Variants in DNAAF11 observed in about 807,000 individuals in gnomAD.
DNAAF11 encodes the protein dynein axonemal assembly factor 11, also known as leucine rich repeat containing 6.
Under a neutral mutation model 60.8 loss-of-function variants are expected in DNAAF11, and 45 were observed. The ratio of observed to expected loss-of-function variants is 0.74; its 90% CI spans 0.58 to 0.95. The LOEUF is 0.95. DNAAF11 is among the 40% of genes least tolerant of loss of function. The pLI, the probability that DNAAF11 is intolerant of heterozygous loss-of-function variation, is 0.00. For missense variants in DNAAF11, 546 were observed against 546.2 expected, an observed-to-expected ratio of 1.00 and a Z score of 0.00; for synonymous variants, 191 against 183.5, an observed-to-expected ratio of 1.04 and a Z score of -0.33.
intron 10 of DNAAF11, among the ~76,000 whole-genome samples, chr8:132,606,049 C>T (rs1008847206): frequency 6.6e-6 from 1 of 151,932 alleles, no homozygotes; most frequent in African/African-American, 2.4e-5. Flanking sequence ...AATGGTGGTC[C>T]CATTAGATTA....
chr8:132,583,554 G>A (rs965887132), intron 11 of DNAAF11, 140 bp downstream of exon 11: 9 of 677,844 alleles, frequency 1.3e-5, no homozygotes, highest in Non-Finnish European at 2.3e-5. Context: ...TACGGTTTGG[G>A]AAATAAACAT....
intron 5 of DNAAF11, among the ~76,000 whole-genome samples, chr8:132,628,298 G>A (rs1215722582): frequency 2.6e-5 from 4 of 152,086 alleles, no homozygotes; most frequent in Admixed American, 2.6e-4. Context: ...TGTAATCCCA[G>A]CTACTCAGGA....
chr8:132,611,274 G>C lies in DNAAF11; in HGVS notation c.1044+20C>G, dbSNP rs561429532. 6 of 1,569,818 alleles carry C rather than the reference G, an allele frequency of 3.8e-6. No homozygotes were observed. The highest frequency in any genetic ancestry group is 1.3e-5 in the African/African-American group (1 of 74,086). Reference sequence around the variant, plus strand: ...AAGCTTAGCTTTTGAAATTGTAATAGCCTACAGGGTTCTACTTACCTTTCC... The same window carrying C: ...AAGCTTAGCTTTTGAAATTGTAATACCCTACAGGGTTCTACTTACCTTTCC... On this transcript the variant is annotated intron_variant, in intron 9 of 11. Transcript: ENST00000620350.
the DNAAF11 span, among the ~76,000 whole-genome samples, chr8:132,682,231 T>C: frequency 6.6e-6 from 1 of 152,200 alleles, no homozygotes; most frequent in Non-Finnish European, 1.5e-5. Context: ...TCCACTTTGA[T>C]TAACTCTGGT....
intron 2 of DNAAF11, among the ~76,000 whole-genome samples, chr8:132,659,485 A>G (rs1489194855): frequency 1.3e-5 from 2 of 152,144 alleles, no homozygotes; most frequent in Non-Finnish European, 2.9e-5. Context: ...ATTGTGATGG[A>G]CCCAGCTGTG....
chr8:132,643,755 T>C (rs1291166753), intron 3 of DNAAF11: 1 of 455,674 alleles, frequency 2.2e-6, no homozygotes, highest in Non-Finnish European at 4.4e-6. Flanking sequence ...ACAAGCATAA[T>C]ATTGAGTGCA....
intron 5 of DNAAF11, among the ~76,000 whole-genome samples, chr8:132,630,826 G>C (rs1820724457): frequency 6.6e-6 from 1 of 152,044 alleles, no homozygotes; most frequent in Non-Finnish European, 1.5e-5. Flanking sequence ...TTTAAAAATA[G>C]AGGATACTAT....
chr8:132,664,375 A>G (rs1297632038), intron 1 of DNAAF11, among the ~76,000 whole-genome samples: 1 of 152,206 alleles, frequency 6.6e-6, no homozygotes, highest in Non-Finnish European at 1.5e-5. Context: ...AGGCTTTTCT[A>G]AATTGCCCAC....
the DNAAF11 span, among the ~76,000 whole-genome samples, chr8:132,697,725 G>A: frequency 1.1e-4 from 16 of 152,224 alleles, no homozygotes; most frequent in African/African-American, 3.4e-4. Context: ...GACTGGAATC[G>A]TACTAGAGAG....
intron 1 of DNAAF11, among the ~76,000 whole-genome samples, chr8:132,669,694 G>C (rs936720696): frequency 6.6e-6 from 1 of 152,006 alleles, no homozygotes; most frequent in Non-Finnish European, 1.5e-5. Context: ...TCAGGTTCTG[G>C]ACATAATAGA....
intron 3 of DNAAF11, among the ~76,000 whole-genome samples, chr8:132,638,664 A>G (rs1395989134): frequency 1.3e-5 from 2 of 152,220 alleles, no homozygotes; most frequent in Non-Finnish European, 2.9e-5. Context: ...CCAAGAACTG[A>G]ACTGAAGGTA....
chr8:132,655,614 G>T (rs570645757), intron 3 of DNAAF11, among the ~76,000 whole-genome samples: 1 of 152,062 alleles, frequency 6.6e-6, no homozygotes, highest in East Asian at 1.9e-4. Flanking sequence ...CAACTTAACA[G>T]TAAAAAGACA....
At chr8:132,574,392 T>C (rs1814523143) in intron 11 of DNAAF11, among the ~76,000 whole-genome samples, 1 of 152,210 alleles carries the variant, frequency 6.6e-6, no homozygotes, top group Non-Finnish European at 1.5e-5. Flanking sequence ...TGGTTTATGC[T>C]TTCCTTCTGG....
At chr8:132,639,627 C>T (rs1024840988) in intron 3 of DNAAF11, among the ~76,000 whole-genome samples, 1 of 152,128 alleles carries the variant, frequency 6.6e-6, no homozygotes. Context: ...ATGGTGTTCT[C>T]TCCGTGTTCC....
At chr8:132,611,488 G>T (rs932598871) in intron 8 of DNAAF11, 125 bp from the exon 9 acceptor site, 3 of 527,234 alleles carry the variant, frequency 5.7e-6, no homozygotes, top group African/African-American at 5.7e-5. Flanking sequence ...CATGCAAAAT[G>T]GGTCTTTAAA....
intron 10 of DNAAF11, among the ~76,000 whole-genome samples, chr8:132,599,479 A>G (rs527954102): frequency 6.6e-6 from 1 of 152,334 alleles, no homozygotes; most frequent in East Asian, 1.9e-4. Flanking sequence ...AACAAAAAAG[A>G]GTTTCAGGCC....
chr8:132,572,521 T>C, intron 11 of DNAAF11, 41 bp from the exon 12 acceptor site: 1 of 1,459,460 alleles, frequency 6.9e-7, no homozygotes, highest in East Asian at 2.3e-5. Context: ...TGATACTACA[T>C]CATTTAAAAT....
chr8:132,593,175 A>T (rs1816635992), intron 10 of DNAAF11, among the ~76,000 whole-genome samples: 1 of 151,710 alleles, frequency 6.6e-6, no homozygotes, highest in African/African-American at 2.4e-5. Context: ...CAAGATTAAA[A>T]GGAGGAGGAG....
intron 3 of DNAAF11, among the ~76,000 whole-genome samples, chr8:132,651,326 A>G (rs866587043): frequency 6.6e-6 from 1 of 151,844 alleles, no homozygotes; most frequent in African/African-American, 2.4e-5. Context: ...AAGGAAAAAC[A>G]GTAAAAAGCA....
Sources: gnomAD v4.1 joint callset for allele counts (sites outside exome capture counted in the v4.1 genomes callset) on GRCh38, gnomAD v4.1.1 for gene constraint, MANE v1.5 for transcripts, NCBI Gene and HGNC (gene_info 2026-07-23, HGNC 2026-07-21) for gene names.